The following PTCHD4 variants were observed in gnomAD, a reference collection of about 807,000 sequenced individuals.
PTCHD4 encodes the protein patched domain-containing protein 4.
Under a neutral mutation model 58.1 loss-of-function variants are expected in PTCHD4, and 33 were observed. That is an observed-to-expected ratio of 0.57 (90% CI 0.43 to 0.76). The LOEUF is 0.76. PTCHD4 is among the 30% of genes least tolerant of loss of function. The pLI, the probability that PTCHD4 is intolerant of heterozygous loss-of-function variation, is 0.00. For missense variants in PTCHD4, 1,058 were observed against 1,027.1 expected (o/e 1.03, Z -0.41); for synonymous variants, 478 against 409.6 (o/e 1.17, Z -2.02).
intron 4 of PTCHD4, among the ~76,000 whole-genome samples, chr6:47,931,831 G>C (rs1196635742): frequency 6.6e-6 from 1 of 151,794 alleles, no homozygotes; most frequent in African/African-American, 2.4e-5. Flanking sequence ...TTCCTAGACA[G>C]TGTGTCGTGT....
intron 4 of PTCHD4, among the ~76,000 whole-genome samples, chr6:47,881,670 T>C (rs894709202): frequency 6.6e-6 from 1 of 152,178 alleles, no homozygotes; most frequent in Non-Finnish European, 1.5e-5. Context: ...TCTTGCTTCA[T>C]AGTTAATTTG....
chr6:47,901,725 A>T lies in PTCHD4; in HGVS notation c.899-21789T>A, dbSNP rs1280154839. ...AAATAGAGGGCTGGGTTCTTAGACT[A>T]GAATGAACTCTCAGATTGCTCTGAT... is the stretch of plus-strand genomic sequence containing the variant. On this transcript the variant is annotated intron_variant, in intron 4 of 4. Coordinates refer to ENST00000339488, the MANE Select transcript of PTCHD4 (RefSeq NM_001384253.1). 56 of 1,184,716 alleles carry T rather than the reference A, an allele frequency of 4.7e-5. 1 individual carries two copies. The South Asian group carries it at 8.9e-4, about 19-fold the overall frequency. The allele number at this position is 1,184,716 out of a possible 1,614,324, so 73.4% of individuals were successfully genotyped here.
intron 4 of PTCHD4, among the ~76,000 whole-genome samples, chr6:47,925,900 G>T (rs555306350): frequency 4.2e-4 from 64 of 152,260 alleles, no homozygotes; most frequent in African/African-American, 1.4e-3. Flanking sequence ...GGGATTGATT[G>T]TTGGAGATCC....
At chr6:47,950,753 A>G (rs1160198114) in intron 4 of PTCHD4, among the ~76,000 whole-genome samples, 3 of 152,268 alleles carry the variant, frequency 2.0e-5, no homozygotes, top group South Asian at 4.1e-4. Flanking sequence ...ATTTGAAGCT[A>G]TGGGACTCTA....
chr6:48,006,846 C>T (rs1026818714), intron 4 of PTCHD4, among the ~76,000 whole-genome samples: 4 of 152,156 alleles, frequency 2.6e-5, no homozygotes, highest in Non-Finnish European at 4.4e-5. Context: ...TTACTATAGG[C>T]TATGAGCTTT....
chr6:48,026,300 G>A (rs749409099), intron 3 of PTCHD4, among the ~76,000 whole-genome samples: 1 of 152,088 alleles, frequency 6.6e-6, no homozygotes, highest in Non-Finnish European at 1.5e-5. Context: ...GCTTCCTCAT[G>A]GGAACTTCTT....
chr6:47,965,296 C>T (rs1353160207), intron 4 of PTCHD4, among the ~76,000 whole-genome samples: 2 of 152,176 alleles, frequency 1.3e-5, no homozygotes, highest in African/African-American at 4.8e-5. Context: ...GTTTTCATGA[C>T]AAAGTTGCGA....
intron 4 of PTCHD4, among the ~76,000 whole-genome samples, chr6:47,997,346 C>G (rs1768535591): frequency 6.6e-6 from 1 of 151,940 alleles, no homozygotes; most frequent in South Asian, 2.1e-4. Flanking sequence ...TGGCTTTTAT[C>G]ATTTAGTAAT....
chr6:47,991,657 T>C (rs1768283469), intron 4 of PTCHD4, among the ~76,000 whole-genome samples: 1 of 152,182 alleles, frequency 6.6e-6, no homozygotes, highest in Non-Finnish European at 1.5e-5. Flanking sequence ...CTTAAAGTGC[T>C]AGACAGCAAT....
At position 48,068,366 on chromosome 6, in the gene PTCHD4, G is replaced by T. The variant is rs768488797; in HGVS notation, c.281C>A (p.Ser94Tyr). The change falls in exon 3 of 5, where the codon TCC becomes TAC. Residue 94 changes from serine (S) to tyrosine (Y), a missense_variant. By Grantham distance (144) the Ser-to-Tyr change is moderately radical. Coordinates refer to ENST00000339488, the MANE Select transcript of PTCHD4 (RefSeq NM_001384253.1). The surrounding 1 kb of genome is among the most constrained non-coding windows in gnomAD (Gnocchi z 4.2). ...LASSLFPLDQ[S>Y]KSQLYSDLHT... is the part of the protein sequence containing the mutation. Reference sequence around the variant, plus strand: ...TAAGTCCGAATAGAGCTGGCTTTTGGACTGGTCCAGGGGGAAAAGGCTGCT... The same window carrying T: ...TAAGTCCGAATAGAGCTGGCTTTTGTACTGGTCCAGGGGGAAAAGGCTGCT... The T allele has an allele frequency of 1.2e-6, 2 of 1,613,966 alleles. No individual in the cohort carries two copies. The highest frequency in any genetic ancestry group is 2.2e-5 in the South Asian group (2 of 91,082).
At chr6:48,001,560 G>A (rs991715748) in intron 4 of PTCHD4, among the ~76,000 whole-genome samples, 6 of 152,060 alleles carry the variant, frequency 3.9e-5, no homozygotes, top group African/African-American at 1.4e-4. Context: ...AGCCATATGT[G>A]GAAAGCTGAA....
At chr6:47,938,610 A>C (rs985333128) in intron 4 of PTCHD4, among the ~76,000 whole-genome samples, 4 of 152,238 alleles carry the variant, frequency 2.6e-5, no homozygotes, top group Non-Finnish European at 4.4e-5. Context: ...CTGGGGATGC[A>C]TAATGTAATT....
chr6:48,068,334 G>A lies in PTCHD4; in HGVS notation c.313C>T (p.Pro105Ser), dbSNP rs753072137. ...KSQLYSDLHT[P>S]GRYGRVILLS... ...AGGATCACCCTGCCATACCTCCCAG[G>A]GGTGTGTAAGTCCGAATAGAGCTGG... The change falls in exon 3 of 5, where the codon CCT becomes TCT. Residue 105 changes from proline (P) to serine (S), a missense_variant. By Grantham distance (74) the Pro-to-Ser change is moderately conservative. Coordinates refer to ENST00000339488, the MANE Select transcript of PTCHD4 (RefSeq NM_001384253.1). This position sits in a 1 kb window ranked among gnomAD's most constrained non-coding sequence, Gnocchi z 4.2. 1.2e-6 allele frequency: 2 copies of A among 1,613,968 alleles called. No individual in the cohort carries two copies. Among genetic ancestry groups the A allele is most frequent in the Admixed American group, 1.7e-5 (1 of 60,030 alleles).
intron 1 of PTCHD4, among the ~76,000 whole-genome samples, chr6:48,104,190 G>A (rs572937607): frequency 2.2e-4 from 34 of 152,258 alleles, no homozygotes; most frequent in Admixed American, 2.0e-3. Context: ...AATGTTAAGG[G>A]CAGCCAGAGA....
Position 47,956,559 on chromosome 6 carries a change from A to G in PTCHD4, c.898+52075T>C, listed in dbSNP as rs573231880. ...CGCCATTCTCCTGCCTCAGCCTCCC[A>G]AGTAGCTGGGACTACAGGCGCCCAC... On this transcript the variant is annotated intron_variant, in intron 4 of 4. Transcript: ENST00000339488. Among the ~76,000 whole-genome samples, 84 of 151,762 alleles carry G rather than the reference A, an allele frequency of 5.5e-4. No homozygotes were observed. The East Asian group carries it at 0.015, about 26-fold the overall frequency.
chr6:48,050,954 A>T (rs904271352), intron 3 of PTCHD4, among the ~76,000 whole-genome samples: 4 of 152,060 alleles, frequency 2.6e-5, no homozygotes, highest in Admixed American at 6.6e-5. Context: ...TCACTTTGCT[A>T]GTACAAAATA....
intron 4 of PTCHD4, among the ~76,000 whole-genome samples, chr6:47,978,631 G>A (rs2087959350): frequency 6.6e-6 from 1 of 152,050 alleles, no homozygotes; most frequent in Non-Finnish European, 1.5e-5. Flanking sequence ...ATTACATTAA[G>A]CACTTTACAT....
chr6:48,088,426 C>T (rs1218424522), intron 1 of PTCHD4, among the ~76,000 whole-genome samples: 1 of 152,066 alleles, frequency 6.6e-6, no homozygotes, highest in Non-Finnish European at 1.5e-5. Flanking sequence ...ACCTTTTGGG[C>T]TCCGTTTAAT....
chr6:47,952,492 T>C (rs1766691860), intron 4 of PTCHD4, among the ~76,000 whole-genome samples: 1 of 152,102 alleles, frequency 6.6e-6, no homozygotes, highest in African/African-American at 2.4e-5. Context: ...AATAAGTATA[T>C]ACCGCCCCCC....
Sources: allele counts gnomAD v4.1 joint callset (sites outside exome capture counted in the v4.1 genomes callset), GRCh38; gene constraint gnomAD v4.1.1; non-coding constraint Gnocchi (gnomAD v3.1); transcripts MANE v1.5; gene names NCBI Gene and HGNC (gene_info 2026-07-23, HGNC 2026-07-21).